Variants in CELA2A observed in about 807,000 individuals in gnomAD.
CELA2A encodes the protein chymotrypsin like elastase 2A, also known as chymotrypsin-like elastase family member 2A.
A neutral mutation model predicts 35.3 loss-of-function variants in CELA2A; 31 were observed. The observed-to-expected ratio is 0.88, with a 90% CI of 0.66 to 1.19. CELA2A has a LOEUF of 1.19. Among genes scored for constraint, CELA2A ranks in the 50% most tolerant of loss-of-function variants. CELA2A has a pLI of 0.00. For synonymous variants in CELA2A, 150 were observed against 149.8 expected (o/e 1.00, Z -0.01); for missense variants, 330 against 352.9 (o/e 0.94, Z 0.52).
At position 15,466,160 on chromosome 1, in the gene CELA2A, A is replaced by T. The variant is rs1424628829; in HGVS notation, c.639+16A>T. 1 of 1,613,002 alleles carries T rather than the reference A, an allele frequency of 6.2e-7. No individual in the cohort carries two copies. The highest frequency in any genetic ancestry group is 2.2e-5 in the East Asian group (1 of 44,842). On this transcript the variant is annotated intron_variant, in intron 6 of 7. Transcript: ENST00000359621. ...CAGCTGCAACGTGAGTACCAAAATC[A>T]GGGGCTCCGCTCCATGACAAAATGT...
intron 5 of CELA2A, among the ~76,000 whole-genome samples, chr1:15,464,638 C>A (rs1488296265): frequency 1.3e-5 from 2 of 152,222 alleles, no homozygotes; most frequent in African/African-American, 4.8e-5. Context: ...ACTGGCTTAT[C>A]TGTAAACACA....
intron 5 of CELA2A, among the ~76,000 whole-genome samples, chr1:15,464,137 G>T (rs1256939781): frequency 2.0e-5 from 3 of 152,150 alleles, no homozygotes; most frequent in African/African-American, 4.8e-5. Flanking sequence ...CCCAGAATGG[G>T]GTAGGTGCTG....
chr1:15,467,860 G>A (rs534960251), intron 7 of CELA2A, among the ~76,000 whole-genome samples: 28 of 152,162 alleles, frequency 1.8e-4, no homozygotes, highest in Non-Finnish European at 2.5e-4. Flanking sequence ...AGGCCAAGGC[G>A]GGCAGATCAC....
chr1:15,463,558 G>C, intron 5 of CELA2A, 36 bp downstream of exon 5: 1 of 1,612,606 alleles, frequency 6.2e-7, no homozygotes, highest in Non-Finnish European at 8.5e-7. Context: ...GCCTGGGAGG[G>C]AAGGGAGGTG....
intron 2 of CELA2A, among the ~76,000 whole-genome samples, chr1:15,460,346 CT>C (rs1708417347): frequency 6.6e-6 from 1 of 151,980 alleles, no homozygotes; most frequent in African/African-American, 2.4e-5. Context: ...TCTTTTTTCA[CT>C]TTTTCTAATT....
intron 7 of CELA2A, among the ~76,000 whole-genome samples, chr1:15,470,121 C>T (rs10927790): frequency 0.24 from 37,115 of 152,032 alleles, 5,265 homozygotes; most frequent in African/African-American, 0.38. Flanking sequence ...CACAGATGCC[C>T]GGTAACGGGT....
In CELA2A at chr1:15,472,021, C is replaced by T; in HGVS notation, c.*14C>T. ...GCAAATAACTAACCAAAAGAAGTCC[C>T]TGGGACTGTTTCAGACTTGGAAAGG... On this transcript the variant is annotated 3_prime_UTR_variant, in exon 8 of 8. Transcript: ENST00000359621. The T allele has an allele frequency of 6.2e-7, 1 of 1,614,052 alleles. No homozygotes were observed. Among genetic ancestry groups the T allele is most frequent in the Non-Finnish European group, 8.5e-7 (1 of 1,179,982 alleles).
chr1:15,471,732 G>A (rs564673286), intron 7 of CELA2A, among the ~76,000 whole-genome samples: 118 of 152,154 alleles, frequency 7.8e-4, no homozygotes, highest in African/African-American at 2.7e-3. Context: ...TTAGGGGTTC[G>A]AAGGCCCCCT....
intron 6 of CELA2A, among the ~76,000 whole-genome samples, chr1:15,466,844 T>C (rs1708524360): frequency 6.6e-6 from 1 of 152,202 alleles, no homozygotes; most frequent in Non-Finnish European, 1.5e-5. Context: ...CACGGAAACC[T>C]TCCTGGAGAC....
chr1:15,466,991 C>T (rs1468099565), intron 6 of CELA2A, among the ~76,000 whole-genome samples: 4 of 152,156 alleles, frequency 2.6e-5, no homozygotes, highest in Non-Finnish European at 4.4e-5. Context: ...CGCGGGAAGA[C>T]GGAACCAGTG....
chr1:15,462,825 T>C lies in CELA2A; in HGVS notation c.320T>C (p.Val107Ala). The change falls in exon 4 of 8, where the codon GTG becomes GCG. Residue 107 changes from valine (V) to alanine (A), a missense_variant. Val to Ala is a moderately conservative substitution (Grantham distance 64, BLOSUM62 0). Coordinates refer to ENST00000359621, the MANE Select transcript of CELA2A (RefSeq NM_033440.3). ...SLAVSVSKIVVHKDWNSNQIS... is the reference protein window; with the variant it reads ...SLAVSVSKIVAHKDWNSNQIS... ...GCAGTCAGTGTCTCTAAGATTGTGG[T>C]GCACAAGGACTGGAACTCCAACCAA... 2 of 1,614,112 alleles carry C rather than the reference T, an allele frequency of 1.2e-6. No homozygotes were observed. The highest frequency in any genetic ancestry group is 1.7e-6 in the Non-Finnish European group (2 of 1,180,020).
chr1:15,471,569 A>T (rs560175413), intron 7 of CELA2A, among the ~76,000 whole-genome samples: 11 of 146,304 alleles, frequency 7.5e-5, no homozygotes, highest in Non-Finnish European at 1.5e-4. Flanking sequence ...ACAAACAAAT[A>T]AAAAAAAAAA....
chr1:15,466,056 C>G lies in CELA2A; in HGVS notation c.551C>G (p.Ala184Gly). The change falls in exon 6 of 8, where the codon GCC becomes GGC. Residue 184 changes from alanine (A) to glycine (G), a missense_variant. Coordinates refer to ENST00000359621, the MANE Select transcript of CELA2A (RefSeq NM_033440.3). ...GGCCGGTTGCTGGTTGTGGACTATG[C>G]CACCTGCTCCAGCTCTGCCTGGTGG... ...QQGRLLVVDY[A>G]TCSSSAWWGS... 3.1e-6 allele frequency: 5 copies of G among 1,614,122 alleles called. No homozygotes were observed. Among genetic ancestry groups the G allele is most frequent in the Non-Finnish European group, 4.2e-6 (5 of 1,180,014 alleles).
At chr1:15,467,359 C>A (rs1197517259) in intron 6 of CELA2A, 27 bp from the exon 7 acceptor site, 4 of 1,609,438 alleles carry the variant, frequency 2.5e-6, no homozygotes, top group Non-Finnish European at 2.5e-6. Flanking sequence ...TCTCCCTTTA[C>A]CTGCCTATAA....
In CELA2A at chr1:15,467,465, G is replaced by T; in HGVS notation, c.719G>T (p.Arg240Leu). The T allele has an allele frequency of 1.9e-6, 3 of 1,614,080 alleles. No individual in the cohort carries two copies. Among genetic ancestry groups the T allele is most frequent in the Non-Finnish European group, 2.5e-6 (3 of 1,180,022 alleles). The part of the protein sequence containing the change: ...QVHGIVSFGS[R>L]LGCNYYHKPS... Reference sequence around the variant, plus strand: ...CACGGCATCGTCAGCTTCGGGTCTCGCCTCGGCTGCAACTACTACCACAAG... The same window carrying T: ...CACGGCATCGTCAGCTTCGGGTCTCTCCTCGGCTGCAACTACTACCACAAG... The change falls in exon 7 of 8, where the codon CGC (arginine) becomes CTC (leucine). Residue 240 changes from arginine (R) to leucine (L), a missense_variant. Physicochemically the swap from Arg to Leu is moderately radical, Grantham distance 102. Transcript: ENST00000359621.
At chr1:15,460,797 G>A (rs1164829521) in intron 2 of CELA2A, among the ~76,000 whole-genome samples, 2 of 152,016 alleles carry the variant, frequency 1.3e-5, no homozygotes, top group Non-Finnish European at 2.9e-5. Flanking sequence ...TCAGCCTTCT[G>A]AGTAACCGGG....
intron 2 of CELA2A, 65 bp downstream of exon 2, chr1:15,457,239 C>T (rs1306080324): frequency 2.8e-5 from 42 of 1,495,646 alleles, no homozygotes; most frequent in Non-Finnish European, 3.9e-5. Context: ...CCCCTTTGCC[C>T]TTCCACCATG....
intron 7 of CELA2A, among the ~76,000 whole-genome samples, chr1:15,467,746 CA>C (rs1708540847): frequency 6.6e-6 from 1 of 152,236 alleles, no homozygotes; most frequent in South Asian, 2.1e-4. Context: ...TGAAAAGGAA[CA>C]TAGAGGGTGG....
In CELA2A at chr1:15,471,319, A is replaced by G. The variant is rs541403487; in HGVS notation, c.793-671A>G. Reference sequence around the variant, plus strand: ...CTGAGCACTTTGGGAAGCTGAGGCGAGTAGATCACTTGAGGTCAGCAGTTT... The same window carrying G: ...CTGAGCACTTTGGGAAGCTGAGGCGGGTAGATCACTTGAGGTCAGCAGTTT... On this transcript the variant is annotated intron_variant, in intron 7 of 7. Coordinates refer to ENST00000359621, the MANE Select transcript of CELA2A (RefSeq NM_033440.3). Among the ~76,000 whole-genome samples the G allele has an allele frequency of 2.6e-5, 4 of 152,256 alleles. No individual in the cohort carries two copies. In the East Asian group the frequency reaches 5.8e-4, roughly 22 times the overall value.
Sources: allele counts gnomAD v4.1 joint callset (sites outside exome capture counted in the v4.1 genomes callset), GRCh38; gene constraint gnomAD v4.1.1; transcripts MANE v1.5; gene names NCBI Gene and HGNC (gene_info 2026-07-23, HGNC 2026-07-21).